NUP214: variants seen among roughly 807,000 people sequenced by gnomAD.
NUP214 encodes the protein nucleoporin 214.
Under a neutral mutation model 196.2 loss-of-function variants are expected in NUP214, and 79 were observed. That is an observed-to-expected ratio of 0.40 (90% CI 0.34 to 0.49). The LOEUF (loss-of-function observed/expected upper bound fraction) is 0.49, where lower values mean the gene tolerates loss of function less well. NUP214 is among the 20% of genes least tolerant of loss of function. The pLI, the probability that NUP214 is intolerant of heterozygous loss-of-function variation, is 0.58. For missense variants in NUP214, 2,468 were observed against 2,539.0 expected, an observed-to-expected ratio of 0.97 and a Z score of 0.60; for synonymous variants, 1,020 against 990.5, an observed-to-expected ratio of 1.03 and a Z score of -0.56.
chr9:131,129,155 G>A, intron 3 of NUP214, 124 bp from the exon 4 acceptor site: 1 of 797,550 alleles, frequency 1.3e-6, no homozygotes, highest in South Asian at 1.8e-5. Context: ...CTTTTTTTAT[G>A]GTTATGGAGA....
chr9:131,166,612 A>G (rs1361133317), intron 21 of NUP214, among the ~76,000 whole-genome samples: 2 of 152,212 alleles, frequency 1.3e-5, no homozygotes, highest in Non-Finnish European at 2.9e-5. Context: ...CATTAAGTGC[A>G]CAAAACAAAA....
At chr9:131,130,158 T>TTTTTTTTTTTTTTTTTTTTTTTA (rs1831500628) in intron 4 of NUP214, among the ~76,000 whole-genome samples, 1 of 135,436 alleles carries the variant, frequency 7.4e-6, no homozygotes, top group African/African-American at 2.8e-5. Flanking sequence ...TTTGTTTTTT[T>TTTTTTTTTTTTTTTTTTTTTTTA]TTTGAGACAG....
At chr9:131,211,771 C>T (rs1324008325) in intron 30 of NUP214, among the ~76,000 whole-genome samples, 1 of 152,172 alleles carries the variant, frequency 6.6e-6, no homozygotes, top group African/African-American at 2.4e-5. Context: ...ATCTCTTAAT[C>T]CCGTCATCTT....
chr9:131,197,294 C>T lies in NUP214; in HGVS notation c.3800C>T (p.Ala1267Val). ...GGGGGAAGCAAACCTTCTTATGAGG[C>T]CATTCCTGAAAGCTCACCTCCCTCA... ...SGGGSKPSYE[A>V]IPESSPPSGI... Residue 1267 changes from alanine (A) to valine (V), a missense_variant, in exon 29 of 36, where the codon GCC becomes GTC. Transcript: ENST00000359428. The T allele has an allele frequency of 6.2e-7, 1 of 1,614,174 alleles. No individual in the cohort carries two copies. Among genetic ancestry groups the T allele is most frequent in the Non-Finnish European group, 8.5e-7 (1 of 1,180,024 alleles).
At chr9:131,144,237 T>G in intron 11 of NUP214, 43 bp from the exon 12 acceptor site, 1 of 1,437,232 alleles carries the variant, frequency 7.0e-7, no homozygotes, top group Non-Finnish European at 9.7e-7. Flanking sequence ...GAACCTCCAC[T>G]GTTACAGTGT....
intron 22 of NUP214, 35 bp from the exon 23 acceptor site, chr9:131,175,425 C>T (rs1833086704): frequency 6.2e-7 from 1 of 1,611,526 alleles, no homozygotes; most frequent in Non-Finnish European, 8.5e-7. Context: ...CCTGTTCTCT[C>T]ACCCACTCAC....
chr9:131,128,549 C>A, intron 3 of NUP214, 66 bp downstream of exon 3: 3 of 1,402,840 alleles, frequency 2.1e-6, no homozygotes, highest in Admixed American at 2.2e-5. Context: ...TATTGAATTA[C>A]AACTTGGAAG....
At chr9:131,229,559 G>A (rs1388550242) in intron 33 of NUP214, 2 of 396,202 alleles carry the variant, frequency 5.0e-6, no homozygotes, top group Non-Finnish European at 9.9e-6. Flanking sequence ...TCTGCCTTGG[G>A]GCGGCTCTCA....
At chr9:131,181,385 C>T (rs972704560) in intron 24 of NUP214, among the ~76,000 whole-genome samples, 1 of 152,160 alleles carries the variant, frequency 6.6e-6, no homozygotes, top group African/African-American at 2.4e-5. Flanking sequence ...GGAGTGGAAT[C>T]GCTGGATTAC....
chr9:131,187,895 G>T (rs1372024671), intron 25 of NUP214, among the ~76,000 whole-genome samples: 1 of 152,212 alleles, frequency 6.6e-6, no homozygotes, highest in Non-Finnish European at 1.5e-5. Context: ...TAAACATTCT[G>T]CACCTAGTAA....
At chr9:131,136,618 C>T (rs1205800219) in intron 9 of NUP214, 1 of 152,218 alleles carries the variant, frequency 6.6e-6, no homozygotes, top group Non-Finnish European at 1.5e-5. Context: ...TAATGATAAT[C>T]CATCCTCAGT....
Position 131,144,423 on chromosome 9 carries a change from A to G in NUP214, c.1438A>G (p.Thr480Ala). ...TTTGCTTCCTGCTGGTGGAGCCCCCACTGTGTTCTCCTTTGGTTCTTCATC... is the reference window on the plus strand; with the variant it reads ...TTTGCTTCCTGCTGGTGGAGCCCCCGCTGTGTTCTCCTTTGGTTCTTCATC... ...FSLLPAGGAP[T>A]VFSFGSSSLK... Residue 480 changes from threonine (T) to alanine (A), a missense_variant, in exon 12 of 36, where the codon ACT becomes GCT. Transcript: ENST00000359428. 1.2e-6 allele frequency: 2 copies of G among 1,613,864 alleles called. 1 individual carries two copies. Among genetic ancestry groups the G allele is most frequent in the East Asian group, 4.5e-5 (2 of 44,866 alleles).
chr9:131,147,984 C>T (rs931114213), intron 14 of NUP214, among the ~76,000 whole-genome samples: 6 of 152,188 alleles, frequency 3.9e-5, no homozygotes, highest in Non-Finnish European at 5.9e-5. Flanking sequence ...GCCAGTAGTT[C>T]GAGACTAGCC....
chr9:131,130,043 A>ATC (rs1015418609), intron 4 of NUP214, among the ~76,000 whole-genome samples: 1 of 150,980 alleles, frequency 6.6e-6, no homozygotes, highest in Non-Finnish European at 1.5e-5. Flanking sequence ...TTGTTTCTGG[A>ATC]TCTGTAACGG....
At chr9:131,193,049 A>G (rs913607620) in intron 27 of NUP214, among the ~76,000 whole-genome samples, 2 of 149,616 alleles carry the variant, frequency 1.3e-5, no homozygotes, top group Non-Finnish European at 3.0e-5. Flanking sequence ...TTGAGGTTTT[A>G]TATAGATGTG....
chr9:131,181,297 G>A (rs190863786), intron 24 of NUP214, among the ~76,000 whole-genome samples: 3 of 152,264 alleles, frequency 2.0e-5, no homozygotes, highest in East Asian at 1.9e-4. Context: ...AGAATGCTGG[G>A]GGAGTAGGTC....
At position 131,163,091 on chromosome 9, in the gene NUP214, A is replaced by G. The variant is rs758236827; in HGVS notation, c.2641A>G (p.Ser881Gly). The stretch of plus-strand genomic sequence containing the variant: ...GAAGAGGCTGAATCACCTGGTGGAT[A>G]GTCTTCAGCAGCTCCGCCTTTACAA... ...QRKRLNHLVD[S>G]LQQLRLYKQT... The change falls in exon 19 of 36, where the codon AGT (serine) becomes GGT (glycine). Residue 881 changes from serine to glycine, a missense_variant. Physicochemically the swap from Ser to Gly is moderately conservative, Grantham distance 56. Transcript: ENST00000359428. 7 of 1,614,078 alleles carry G rather than the reference A, an allele frequency of 4.3e-6. No homozygotes were observed. Among genetic ancestry groups the G allele is most frequent in the Non-Finnish European group, 5.9e-6 (7 of 1,180,022 alleles).
rs1432189373 is a variant in NUP214 at position 131,174,451 on chromosome 9, T to TC, written c.3157+133_3157+134insC. 2.4e-4 allele frequency: 132 copies of TC among 554,254 alleles called. 6 individuals are homozygous for TC. Among genetic ancestry groups the TC allele is most frequent in the East Asian group, 9.2e-4 (22 of 23,948 alleles). 34.3% of individuals were successfully genotyped at this position (554,254 alleles called of 1,614,324 possible). On this transcript the variant is annotated intron_variant, in intron 22 of 35. Transcript: ENST00000359428. ...AGCCCACTTTTTTTTTTTTTTCTTTTTTTCTTTTTTTTTTTGAGGTGGAGT... is the reference window on the plus strand; with the variant it reads ...AGCCCACTTTTTTTTTTTTTTCTTTTCTTTCTTTTTTTTTTTGAGGTGGAGT...
At chr9:131,187,606 C>T (rs866635445) in intron 25 of NUP214, among the ~76,000 whole-genome samples, 8 of 152,306 alleles carry the variant, frequency 5.3e-5, no homozygotes, top group South Asian at 4.1e-4. Flanking sequence ...AGGCTAGTCT[C>T]GAGCTCCTGA....
Sources: allele counts gnomAD v4.1 joint callset (sites outside exome capture counted in the v4.1 genomes callset), GRCh38; gene constraint gnomAD v4.1.1; transcripts MANE v1.5; gene names NCBI Gene and HGNC (gene_info 2026-07-23, HGNC 2026-07-21).